Variants in AGBL4 observed in about 807,000 individuals in gnomAD.
The protein encoded by AGBL4 is cytosolic carboxypeptidase 6.
Under a neutral mutation model 66.4 loss-of-function variants are expected in AGBL4, and 58 were observed. The observed-to-expected ratio is 0.87, with a 90% confidence interval of 0.71 to 1.09. AGBL4 has a LOEUF of 1.09. Among genes scored for constraint, AGBL4 ranks in the 50% least tolerant of loss-of-function variants. The pLI, the probability that AGBL4 is intolerant of heterozygous loss-of-function variation, is 0.00. For missense variants in AGBL4, 579 were observed against 631.0 expected, an observed-to-expected ratio of 0.92 and a Z score of 0.88; for synonymous variants, 234 against 222.9, an observed-to-expected ratio of 1.05 and a Z score of -0.44.
chr1:49,422,291 A>T (rs1645562872), intron 3 of AGBL4, among the ~76,000 whole-genome samples: 1 of 152,190 alleles, frequency 6.6e-6, no homozygotes. Context: ...CATTGGAGGA[A>T]TAAAAGTGCA....
At chr1:49,324,816 T>C (rs950888081) in intron 3 of AGBL4, among the ~76,000 whole-genome samples, 2 of 152,222 alleles carry the variant, frequency 1.3e-5, no homozygotes, top group Admixed American at 6.5e-5. Context: ...ATATTTGCCT[T>C]AGTATCTATA....
At chr1:49,133,090 G>A (rs1360969090) in intron 4 of AGBL4, among the ~76,000 whole-genome samples, 17 of 152,154 alleles carry the variant, frequency 1.1e-4, no homozygotes, top group Middle Eastern at 3.2e-3. Context: ...CCTTTGCAGG[G>A]ACATGGATGA....
At chr1:48,752,271 T>G (rs1651861479) in intron 6 of AGBL4, among the ~76,000 whole-genome samples, 2 of 152,016 alleles carry the variant, frequency 1.3e-5, no homozygotes, top group African/African-American at 4.8e-5. Flanking sequence ...AGGAAAGAGC[T>G]CTGAGATAAA....
chr1:49,956,674 A>T (rs1193423334), intron 1 of AGBL4, among the ~76,000 whole-genome samples: 1 of 151,962 alleles, frequency 6.6e-6, no homozygotes, highest in African/African-American at 2.4e-5. Context: ...ATGAGATAAG[A>T]TGTCAAAAAG....
At chr1:49,930,562 C>CA (rs922905403) in intron 1 of AGBL4, among the ~76,000 whole-genome samples, 1 of 151,898 alleles carries the variant, frequency 6.6e-6, no homozygotes, top group Non-Finnish European at 1.5e-5. Context: ...TCCCACTACA[C>CA]AAAAAAACAC....
intron 3 of AGBL4, among the ~76,000 whole-genome samples, chr1:49,474,660 C>T (rs1248020935): frequency 1.3e-5 from 2 of 151,752 alleles, no homozygotes; most frequent in Non-Finnish European, 2.9e-5. Flanking sequence ...TGAGACTTTG[C>T]TGAACTATTT....
chr1:48,899,202 C>T (rs944313510), intron 5 of AGBL4, among the ~76,000 whole-genome samples: 5 of 152,208 alleles, frequency 3.3e-5, no homozygotes, highest in Admixed American at 3.3e-4. Flanking sequence ...GCAGGCGGCT[C>T]AGTGCCGCGG....
At chr1:49,968,160 T>A (rs1428893056) in intron 1 of AGBL4, among the ~76,000 whole-genome samples, 1 of 151,380 alleles carries the variant, frequency 6.6e-6, no homozygotes, top group Admixed American at 6.6e-5. Flanking sequence ...GAGGCAGAGG[T>A]TCCAGTGAGC....
chr1:49,601,400 C>T (rs536695570), intron 3 of AGBL4, among the ~76,000 whole-genome samples: 5 of 151,776 alleles, frequency 3.3e-5, no homozygotes, highest in Admixed American at 6.6e-5. Flanking sequence ...CTCTGATATC[C>T]TTTCTTCCAC....
At chr1:49,669,155 T>C (rs557847883) in intron 3 of AGBL4, among the ~76,000 whole-genome samples, 5 of 152,150 alleles carry the variant, frequency 3.3e-5, no homozygotes, top group African/African-American at 7.2e-5. Context: ...GTGATGAGAA[T>C]AGAACCCTCA....
intron 5 of AGBL4, among the ~76,000 whole-genome samples, chr1:49,006,543 C>T (rs1165460208): frequency 1.3e-5 from 2 of 152,316 alleles, no homozygotes; most frequent in African/African-American, 2.4e-5. Context: ...AGGAGGCTTG[C>T]CTGCCTCTGT....
intron 3 of AGBL4, among the ~76,000 whole-genome samples, chr1:49,677,224 A>G (rs979220431): frequency 3.9e-5 from 6 of 152,028 alleles, no homozygotes; most frequent in Non-Finnish European, 1.5e-5. Context: ...CTTTATTCTT[A>G]TATCTTTATA....
intron 1 of AGBL4, among the ~76,000 whole-genome samples, chr1:49,916,340 A>G (rs894372385): frequency 1.3e-5 from 2 of 152,200 alleles, no homozygotes; most frequent in Admixed American, 1.3e-4. Flanking sequence ...CCTTGAAAAA[A>G]GATTAGATGA....
At chr1:48,925,396 T>C (rs1178954024) in intron 5 of AGBL4, among the ~76,000 whole-genome samples, 1 of 152,240 alleles carries the variant, frequency 6.6e-6, no homozygotes, top group Non-Finnish European at 1.5e-5. Context: ...TTTACTATAT[T>C]GTTTCACACA....
At chr1:48,770,529 C>T (rs891076142) in intron 6 of AGBL4, among the ~76,000 whole-genome samples, 1 of 152,158 alleles carries the variant, frequency 6.6e-6, no homozygotes, top group African/African-American at 2.4e-5. Context: ...TCTCACTCTG[C>T]ACTCTCTCCC....
At chr1:49,009,093 G>C (rs1310239647) in intron 5 of AGBL4, among the ~76,000 whole-genome samples, 9 of 150,426 alleles carry the variant, frequency 6.0e-5, no homozygotes, top group Non-Finnish European at 1.3e-4. Flanking sequence ...CCAGGAGCTG[G>C]TTTTTTGAAA....
chr1:49,488,035 T>C (rs1229837204), intron 3 of AGBL4, among the ~76,000 whole-genome samples: 3 of 151,984 alleles, frequency 2.0e-5, no homozygotes, highest in Admixed American at 6.6e-5. Flanking sequence ...ACAGCAGGAA[T>C]TGTTATTTTC....
At chr1:49,168,950 G>C (rs1360959702) in intron 4 of AGBL4, among the ~76,000 whole-genome samples, 1 of 152,128 alleles carries the variant, frequency 6.6e-6, no homozygotes, top group East Asian at 1.9e-4. Flanking sequence ...ATGCTTTATA[G>C]GGCACATTTT....
chr1:49,853,932 A>C (rs1449393458), intron 1 of AGBL4, among the ~76,000 whole-genome samples: 1 of 152,082 alleles, frequency 6.6e-6, no homozygotes. Flanking sequence ...AAACGCCAAC[A>C]ATAGTTCTTC....
Sources: gnomAD v4.1 joint callset for allele counts (sites outside exome capture counted in the v4.1 genomes callset) on GRCh38, gnomAD v4.1.1 for gene constraint, MANE v1.5 for transcripts, NCBI Gene and HGNC (gene_info 2026-07-23, HGNC 2026-07-21) for gene names.